OTUD7A: variants seen among roughly 807,000 people sequenced by gnomAD.
OTUD7A encodes the protein OTU domain-containing protein 7A.
OTUD7A carries 12 observed loss-of-function variants against 65.7 expected under a neutral mutation model. That is an observed-to-expected ratio of 0.18 (90% CI 0.12 to 0.30). The LOEUF is 0.30. OTUD7A is among the 10% of genes least tolerant of loss of function. The pLI is 1.00. For missense variants in OTUD7A, 1,148 were observed against 1,304.8 expected, an observed-to-expected ratio of 0.88 and a Z score of 1.85; for synonymous variants, 641 against 586.3, an observed-to-expected ratio of 1.09 and a Z score of -1.35.
intron 1 of OTUD7A, among the ~76,000 whole-genome samples, chr15:31,685,475 C>T (rs1051049974): frequency 1.9e-4 from 28 of 149,956 alleles, no homozygotes; most frequent in African/African-American, 7.0e-4. Flanking sequence ...GAAACCCTGT[C>T]TCTACTGAAA....
At chr15:31,526,563 A>G (rs1435983288) in intron 7 of OTUD7A, 102 bp from the exon 8 acceptor site, 4 of 902,808 alleles carry the variant, frequency 4.4e-6, no homozygotes, top group Non-Finnish European at 6.5e-6. Flanking sequence ...GACCCAGGCC[A>G]GGCACATCTG....
intron 1 of OTUD7A, among the ~76,000 whole-genome samples, chr15:31,718,040 C>T (rs1295556841): frequency 6.6e-6 from 1 of 152,166 alleles, no homozygotes; most frequent in Non-Finnish European, 1.5e-5. Context: ...CCCTGTGAGG[C>T]CTCATGATTA....
At chr15:31,732,829 G>T (rs2141363162) in intron 1 of OTUD7A, among the ~76,000 whole-genome samples, 1 of 152,270 alleles carries the variant, frequency 6.6e-6, no homozygotes, top group East Asian at 1.9e-4. Flanking sequence ...CAGAATACTT[G>T]CTTACTTGTT....
intron 1 of OTUD7A, among the ~76,000 whole-genome samples, chr15:31,715,498 A>G (rs1893560284): frequency 6.6e-6 from 1 of 151,286 alleles, no homozygotes; most frequent in South Asian, 2.1e-4. Flanking sequence ...GCTGAACTAC[A>G]TTCCCCATTA....
At chr15:31,550,036 G>A (rs1430232235) in intron 5 of OTUD7A, among the ~76,000 whole-genome samples, 3 of 150,798 alleles carry the variant, frequency 2.0e-5, no homozygotes, top group African/African-American at 7.4e-5. Context: ...GAAGGTGGAG[G>A]TTGCACTGAG....
At chr15:31,761,516 A>G (rs1325848755) in intron 1 of OTUD7A, among the ~76,000 whole-genome samples, 1 of 152,164 alleles carries the variant, frequency 6.6e-6, no homozygotes, top group East Asian at 1.9e-4. Context: ...AGAAAGACAA[A>G]CAATAATAAG....
intron 1 of OTUD7A, among the ~76,000 whole-genome samples, chr15:31,708,387 AAAG>A (rs1473751991): frequency 6.6e-6 from 1 of 150,906 alleles, no homozygotes; most frequent in Admixed American, 6.6e-5. Context: ...GAGTTTTAAT[AAAG>A]AAGAAGACAT....
intron 9 of OTUD7A, 151 bp from the exon 10 acceptor site, chr15:31,501,990 G>A (rs557795020): frequency 4.6e-5 from 40 of 868,924 alleles, no homozygotes; most frequent in Non-Finnish European, 6.4e-5. Flanking sequence ...CTGAGGGATG[G>A]GGCTGAGGGT....
chr15:31,588,287 C>T (rs977234924), intron 3 of OTUD7A, among the ~76,000 whole-genome samples: 3 of 152,174 alleles, frequency 2.0e-5, no homozygotes, highest in Non-Finnish European at 4.4e-5. Flanking sequence ...TTCATGCAGT[C>T]TGGCTCCATT....
chr15:31,571,692 T>C (rs771097691), intron 3 of OTUD7A, among the ~76,000 whole-genome samples: 2 of 152,188 alleles, frequency 1.3e-5, no homozygotes, highest in Non-Finnish European at 2.9e-5. Flanking sequence ...ATTATTCTCA[T>C]TAATTATAGG....
chr15:31,590,431 G>A (rs1323763794), intron 3 of OTUD7A, among the ~76,000 whole-genome samples: 2 of 152,068 alleles, frequency 1.3e-5, no homozygotes, highest in Non-Finnish European at 2.9e-5. Flanking sequence ...TATGTGCATA[G>A]TGTAATTTGG....
At chr15:31,719,216 C>A (rs1338094437) in intron 1 of OTUD7A, among the ~76,000 whole-genome samples, 4 of 152,118 alleles carry the variant, frequency 2.6e-5, no homozygotes, top group African/African-American at 9.7e-5. Context: ...GTGCTGGGAT[C>A]ACAGGCGTGC....
At chr15:31,835,750 A>G (rs1897040607) in intron 1 of OTUD7A, among the ~76,000 whole-genome samples, 1 of 152,202 alleles carries the variant, frequency 6.6e-6, no homozygotes, top group African/African-American at 2.4e-5. Flanking sequence ...ATATATACAT[A>G]CACACATACA....
intron 1 of OTUD7A, among the ~76,000 whole-genome samples, chr15:31,798,315 C>G (rs549219932): frequency 3.3e-5 from 5 of 152,086 alleles, no homozygotes; most frequent in African/African-American, 1.2e-4. Context: ...ATGCTGTGCC[C>G]GTGAGCTGCC....
At chr15:31,741,386 T>C (rs186888293) in intron 1 of OTUD7A, among the ~76,000 whole-genome samples, 2 of 152,180 alleles carry the variant, frequency 1.3e-5, no homozygotes, top group African/African-American at 4.8e-5. Context: ...ATGTGCAGGT[T>C]TGATACATAG....
chr15:31,587,408 C>A (rs540832188), intron 3 of OTUD7A, among the ~76,000 whole-genome samples: 366 of 152,068 alleles, frequency 2.4e-3, no homozygotes, highest in South Asian at 6.2e-3. Context: ...GAGGCTGAGG[C>A]AGGTGGATCA....
At chr15:31,766,354 G>A in intron 1 of OTUD7A, 3 of 1,593,096 alleles carry the variant, frequency 1.9e-6, no homozygotes, top group South Asian at 1.1e-5. Context: ...TTTGGTGGGG[G>A]AAATAACAAA....
chr15:31,680,917 C>G lies in OTUD7A; in HGVS notation c.-99-23840G>C, dbSNP rs564561265. ...TGTGGTCTTTAGGAAGTCACTAAAC[C>G]CCTGTGAATCCACTTCCCCATCAAT... is the stretch of plus-strand genomic sequence containing the variant. On this transcript the variant is annotated intron_variant, in intron 1 of 12. Coordinates refer to ENST00000307050, the MANE Select transcript of OTUD7A (RefSeq NM_001382637.1). Among the ~76,000 whole-genome samples, 21 of 150,764 alleles carry G rather than the reference C, an allele frequency of 1.4e-4. No individual in the cohort carries two copies. In the South Asian group the frequency reaches 3.5e-3, roughly 25 times the overall value.
intron 1 of OTUD7A, among the ~76,000 whole-genome samples, chr15:31,733,442 C>T (rs8024201): frequency 0.68 from 103,607 of 151,940 alleles, 35,966 homozygotes; most frequent in South Asian, 0.79. Flanking sequence ...CCTCCTCTAC[C>T]CCAACATTCA....
Sources: gnomAD v4.1 joint callset for allele counts (sites outside exome capture counted in the v4.1 genomes callset) on GRCh38, gnomAD v4.1.1 for gene constraint, MANE v1.5 for transcripts, NCBI Gene and HGNC (gene_info 2026-07-23, HGNC 2026-07-21) for gene names.